The following TICRR variants were observed in gnomAD, a reference collection of about 807,000 sequenced individuals.
The protein encoded by TICRR is TOPBP1 interacting checkpoint and replication regulator, also known as treslin.
Under a neutral mutation model 178.1 loss-of-function variants are expected in TICRR, and 132 were observed. That is an observed-to-expected ratio of 0.74 (90% CI 0.64 to 0.86). The LOEUF is 0.86. Among genes scored for constraint, TICRR ranks in the 40% least tolerant of loss-of-function variants. The pLI is 0.00. For synonymous variants in TICRR, 991 were observed against 900.7 expected, an observed-to-expected ratio of 1.10 and a Z score of -1.79; for missense variants, 2,587 against 2,334.3, an observed-to-expected ratio of 1.11 and a Z score of -2.23.
chr15:89,581,785 A>G (rs932327100), intron 1 of TICRR, among the ~76,000 whole-genome samples: 2 of 152,176 alleles, frequency 1.3e-5, no homozygotes, highest in East Asian at 3.8e-4. Flanking sequence ...AAGTAGCGTG[A>G]CCAGAGAAGT....
At position 89,624,769 on chromosome 15, in the gene TICRR, G is replaced by A. The variant is rs763157317; in HGVS notation, c.4459G>A (p.Glu1487Lys). Residue 1487 changes from glutamate to lysine, a missense_variant, in exon 20 of 22, where the codon GAG (glutamate) becomes AAG (lysine). Transcript: ENST00000268138. ...GAAAAGTAACGTCTTATCAGTGGAA[G>A]AGGGTGAGGGGCTAAGGACAGCAGA... ...DLKSNVLSVE[E>K]GEGLRTADAE... 1 of 1,614,086 alleles carries A rather than the reference G, an allele frequency of 6.2e-7. No homozygotes were observed. Among genetic ancestry groups the A allele is most frequent in the Admixed American group, 1.7e-5 (1 of 60,002 alleles).
intron 14 of TICRR, among the ~76,000 whole-genome samples, 186 bp downstream of exon 14, chr15:89,607,011 A>G (rs1406529454): frequency 1.3e-5 from 2 of 152,194 alleles, no homozygotes; most frequent in Non-Finnish European, 2.9e-5. Context: ...ATTTTACAAA[A>G]TAACTGGTCT....
intron 4 of TICRR, among the ~76,000 whole-genome samples, chr15:89,587,705 G>GT (rs1241785906): frequency 2.0e-5 from 3 of 152,180 alleles, no homozygotes; most frequent in Non-Finnish European, 4.4e-5. Context: ...CCATCACAAC[G>GT]TGATGGTTGT....
intron 1 of TICRR, among the ~76,000 whole-genome samples, chr15:89,578,972 C>T (rs754013226): frequency 6.6e-5 from 10 of 152,128 alleles, no homozygotes; most frequent in South Asian, 2.1e-4. Flanking sequence ...CCAGGTCCTG[C>T]CTTGGGGAGC....
chr15:89,593,161 A>G lies in TICRR; in HGVS notation c.1541+985A>G, dbSNP rs769871048. On this transcript the variant is annotated intron_variant, in intron 5 of 21. Coordinates refer to ENST00000268138, the MANE Select transcript of TICRR (RefSeq NM_152259.4). ...CTTGTCAGTTTCCACGCACACAAACATCTGTTGAAACTCTAGGAGTGCATT... is the reference window on the plus strand; with the variant it reads ...CTTGTCAGTTTCCACGCACACAAACGTCTGTTGAAACTCTAGGAGTGCATT... Among the ~76,000 whole-genome samples the G allele has an allele frequency of 7.9e-4, 121 of 152,202 alleles. 1 individual carries two copies. The highest frequency in any genetic ancestry group is 1.5e-3 in the Non-Finnish European group (105 of 68,040).
intron 1 of TICRR, 82 bp downstream of exon 1, chr15:89,576,322 C>T: frequency 7.7e-7 from 1 of 1,293,836 alleles, no homozygotes; most frequent in East Asian, 2.5e-5. Context: ...CTTAGAACAG[C>T]CACAGACCCC....
intron 17 of TICRR, among the ~76,000 whole-genome samples, chr15:89,618,670 G>C (rs572192195): frequency 4.4e-4 from 67 of 152,228 alleles, no homozygotes; most frequent in Non-Finnish European, 8.4e-4. Flanking sequence ...CATGTTGAAT[G>C]AGGGTGAGCA....
At chr15:89,591,187 G>A (rs1235361696) in intron 4 of TICRR, among the ~76,000 whole-genome samples, 1 of 152,270 alleles carries the variant, frequency 6.6e-6, no homozygotes, top group Non-Finnish European at 1.5e-5. Flanking sequence ...GTGCAGTGGC[G>A]TGATCTCGGC....
chr15:89,582,192 C>G, intron 1 of TICRR: 1 of 152,296 alleles, frequency 6.6e-6, no homozygotes, highest in Non-Finnish European at 1.5e-5. Flanking sequence ...GGCATGGTGG[C>G]GCATTTCTGT....
At chr15:89,606,332 T>C (rs1016862612) in intron 13 of TICRR, among the ~76,000 whole-genome samples, 3 of 152,212 alleles carry the variant, frequency 2.0e-5, no homozygotes, top group African/African-American at 7.2e-5. Context: ...TTTTGGAACA[T>C]TTGCATTACA....
At position 89,616,516 on chromosome 15, in the gene TICRR, G is replaced by C. The variant is rs1414113505; in HGVS notation, c.2960+21G>C. The C allele has an allele frequency of 5.0e-6, 8 of 1,608,562 alleles. No individual in the cohort carries two copies. In the East Asian group the frequency reaches 1.8e-4, roughly 36 times the overall value. On this transcript the variant is annotated intron_variant, in intron 16 of 21. Transcript: ENST00000268138. ...GGCAGGTGAGTGACATCCCCATCCGGGCTTCTTCATACACCCACACCACCT... is the reference window on the plus strand; with the variant it reads ...GGCAGGTGAGTGACATCCCCATCCGCGCTTCTTCATACACCCACACCACCT...
At chr15:89,587,105 C>T (rs182431029) in intron 4 of TICRR, among the ~76,000 whole-genome samples, 299 of 152,170 alleles carry the variant, frequency 2.0e-3, no homozygotes, top group African/African-American at 6.8e-3. Flanking sequence ...GAAGGTAAAG[C>T]CAACAAAATT....
rs144753721 is a variant in TICRR at position 89,577,736 on chromosome 15, G to A, written c.654+1496G>A. 1.0e-2 allele frequency among the ~76,000 whole-genome samples: 1,476 copies of A among 148,258 alleles called. 76 individuals carry two copies. Among genetic ancestry groups the A allele is most frequent in the Admixed American group, 0.095 (1,373 of 14,476 alleles). On this transcript the variant is annotated intron_variant, in intron 1 of 21. Transcript: ENST00000268138. ...CAATTCTCCTGCCTCAGCCTCCCAA[G>A]TAGCTGGGATTATAAGCGGGCGCCA...
At chr15:89,626,475 C>T (rs903350212) in intron 21 of TICRR, among the ~76,000 whole-genome samples, 2 of 152,298 alleles carry the variant, frequency 1.3e-5, no homozygotes, top group South Asian at 2.1e-4. Context: ...TATAATCAGC[C>T]TGCAGGCTCT....
At chr15:89,607,854 T>C (rs1443047469) in intron 14 of TICRR, among the ~76,000 whole-genome samples, 1 of 152,172 alleles carries the variant, frequency 6.6e-6, no homozygotes, top group East Asian at 1.9e-4. Context: ...CACGTACTTC[T>C]TGACTTTTCA....
chr15:89,625,892 T>G lies in TICRR; in HGVS notation c.5477-44T>G, dbSNP rs556079533. ...TCTTGGGAGGCCTGGGCTTCCCGGT[T>G]GGGGGTCTGGGGACGCTGCTCTTAC... On this transcript the variant is annotated intron_variant, in intron 20 of 21. Transcript: ENST00000268138. The G allele has an allele frequency of 2.6e-6, 4 of 1,542,432 alleles. No individual in the cohort carries two copies. The African/African-American group carries it at 5.5e-5, about 21-fold the overall frequency.
Position 89,605,043 on chromosome 15 carries a change from TA to T in TICRR, c.2665-1715del, listed in dbSNP as rs796691752. On this transcript the variant is annotated intron_variant, in intron 13 of 21. Transcript: ENST00000268138. ...CTTAACTCCAGAAGATCACAAGGAT[TA>T]AAAAAAAAATATTTGATCCTGCCTT... Among the ~76,000 whole-genome samples the T allele has an allele frequency of 5.1e-3, 769 of 150,222 alleles. 10 individuals are homozygous for T. Among genetic ancestry groups the T allele is most frequent in the African/African-American group, 0.018 (729 of 41,120 alleles).
intron 1 of TICRR, among the ~76,000 whole-genome samples, chr15:89,579,155 T>C (rs1962678239): frequency 6.6e-6 from 1 of 152,198 alleles, no homozygotes; most frequent in Non-Finnish European, 1.5e-5. Flanking sequence ...TCAATACATA[T>C]TTGTTCCATA....
At chr15:89,609,420 G>A (rs1013361514) in intron 15 of TICRR, among the ~76,000 whole-genome samples, 1 of 151,696 alleles carries the variant, frequency 6.6e-6, no homozygotes. Context: ...AGTCAATTTT[G>A]TTAATCTTTT....
Sources: gnomAD v4.1 joint callset for allele counts (sites outside exome capture counted in the v4.1 genomes callset) on GRCh38, gnomAD v4.1.1 for gene constraint, MANE v1.5 for transcripts, NCBI Gene and HGNC (gene_info 2026-07-23, HGNC 2026-07-21) for gene names.